Variants in WDR7 observed in about 807,000 individuals in gnomAD.
The protein encoded by WDR7 is WD repeat domain 7.
In WDR7, 46 loss-of-function variants were observed where a neutral mutation model predicts 169.4. The ratio of observed to expected loss-of-function variants is 0.27; its 90% confidence interval spans 0.21 to 0.35. The LOEUF (loss-of-function observed/expected upper bound fraction) is 0.35. WDR7 is among the 10% of genes least tolerant of loss of function. The pLI is 1.00. For synonymous variants in WDR7, 612 were observed against 666.8 expected (o/e 0.92, Z 1.27); for missense variants, 1,534 against 1,859.3 (o/e 0.83, Z 3.22).
At chr18:56,755,766 G>C (rs1287826160) in intron 14 of WDR7, among the ~76,000 whole-genome samples, 1 of 152,160 alleles carries the variant, frequency 6.6e-6, no homozygotes, top group Non-Finnish European at 1.5e-5. Context: ...GCCTGAGAGG[G>C]AGAGATTGAC....
intron 25 of WDR7, among the ~76,000 whole-genome samples, chr18:56,956,739 G>A (rs1568285349): frequency 1.3e-5 from 2 of 152,094 alleles, no homozygotes; most frequent in Non-Finnish European, 2.9e-5. Context: ...CATCCAGTAT[G>A]CATGATGAAT....
At chr18:56,783,920 G>A (rs2044356122) in intron 19 of WDR7, among the ~76,000 whole-genome samples, 1 of 152,190 alleles carries the variant, frequency 6.6e-6, no homozygotes, top group African/African-American at 2.4e-5. Context: ...CTGAAGCAGT[G>A]CCAGAACTGT....
chr18:56,792,765 A>AACACACACACACACGCAC (rs150503124), intron 19 of WDR7, among the ~76,000 whole-genome samples: 2 of 147,680 alleles, frequency 1.4e-5, no homozygotes, highest in African/African-American at 5.0e-5. Context: ...TATTTTCTTT[A>AACACACACACACACGCAC]ACACACACAC....
downstream of WDR7, chr18:57,031,210 T>G (rs890941439): frequency 6.6e-6 from 1 of 152,232 alleles, no homozygotes; most frequent in Non-Finnish European, 1.5e-5. Context: ...TCCTTCACAT[T>G]CAGTTCAATC....
At chr18:56,959,120 G>A (rs1401690810) in intron 25 of WDR7, among the ~76,000 whole-genome samples, 2 of 152,108 alleles carry the variant, frequency 1.3e-5, no homozygotes, top group African/African-American at 4.8e-5. Context: ...GAACAGAGAT[G>A]TAAATGAAGT....
chr18:56,986,126 C>CTT (rs1555721583), intron 26 of WDR7, among the ~76,000 whole-genome samples: 1 of 123,248 alleles, frequency 8.1e-6, no homozygotes, highest in Non-Finnish European at 1.7e-5. Flanking sequence ...ATTTCAGCTT[C>CTT]TTTGTGTGTG....
At chr18:56,718,271 G>T in intron 13 of WDR7, 112 bp downstream of exon 13, 3 of 1,136,324 alleles carry the variant, frequency 2.6e-6, no homozygotes, top group African/African-American at 1.6e-5. Flanking sequence ...TAAAATAGTT[G>T]CTACTTTTAT....
intron 26 of WDR7, among the ~76,000 whole-genome samples, chr18:56,977,533 T>C (rs2047585205): frequency 6.6e-6 from 1 of 152,222 alleles, no homozygotes; most frequent in South Asian, 2.1e-4. Flanking sequence ...GTTCCTGCTT[T>C]AGAGTGAGCT....
chr18:56,847,387 T>C (rs1464933822), intron 20 of WDR7, among the ~76,000 whole-genome samples: 1 of 152,142 alleles, frequency 6.6e-6, no homozygotes, highest in Non-Finnish European at 1.5e-5. Flanking sequence ...TGACTTAAAG[T>C]TGGAACTTAT....
chr18:56,756,770 G>T lies in WDR7; in HGVS notation c.2177G>T (p.Ser726Ile), dbSNP rs769086846. Residue 726 changes from serine (S) to isoleucine (I), a missense_variant, in exon 15 of 28, where the codon AGT becomes ATT. Transcript: ENST00000254442. ...SPENLQKASG[S>I]SDKGGSFLTG... ...GAGAATTTGCAAAAAGCATCTGGCA[G>T]TTCAGACAAAGGGGGCTCTTTTTTA... 3 of 1,614,036 alleles carry T rather than the reference G, an allele frequency of 1.9e-6. No homozygotes were observed. The highest frequency in any genetic ancestry group is 1.7e-5 in the Admixed American group (1 of 59,990).
intron 13 of WDR7, among the ~76,000 whole-genome samples, chr18:56,730,897 C>G (rs914361211): frequency 2.0e-5 from 3 of 152,024 alleles, no homozygotes; most frequent in Non-Finnish European, 4.4e-5. Context: ...AATTTGCAGA[C>G]AAAATGTAGA....
chr18:56,812,343 C>T (rs2044884140), intron 19 of WDR7, among the ~76,000 whole-genome samples: 1 of 152,158 alleles, frequency 6.6e-6, no homozygotes, highest in Non-Finnish European at 1.5e-5. Flanking sequence ...CCTTGCTGAA[C>T]TAACTTATTA....
At chr18:56,919,140 G>C (rs191936580) in intron 21 of WDR7, among the ~76,000 whole-genome samples, 127 of 152,250 alleles carry the variant, frequency 8.3e-4, no homozygotes, top group African/African-American at 2.9e-3. Context: ...TCCCCTTCCA[G>C]GTCACAAAGC....
intron 21 of WDR7, among the ~76,000 whole-genome samples, chr18:56,893,831 T>G (rs1341522375): frequency 2.0e-5 from 3 of 152,146 alleles, no homozygotes; most frequent in Non-Finnish European, 2.9e-5. Context: ...CATGTGTGTT[T>G]TAGAAGTTGG....
chr18:56,665,742 C>T (rs1405263764), intron 1 of WDR7, among the ~76,000 whole-genome samples: 1 of 152,044 alleles, frequency 6.6e-6, no homozygotes, highest in African/African-American at 2.4e-5. Flanking sequence ...CTAAAAAGAG[C>T]TTCGATACTT....
At chr18:56,932,675 T>G (rs2046902489) in intron 22 of WDR7, among the ~76,000 whole-genome samples, 1 of 152,220 alleles carries the variant, frequency 6.6e-6, no homozygotes, top group Non-Finnish European at 1.5e-5. Context: ...TCATTTAGTC[T>G]TCTTGTCAGT....
chr18:56,825,295 G>C (rs1164095303), intron 20 of WDR7, among the ~76,000 whole-genome samples: 1 of 152,170 alleles, frequency 6.6e-6, no homozygotes, highest in Non-Finnish European at 1.5e-5. Context: ...TTTGCAAGGG[G>C]TTTGGGCAAA....
intron 19 of WDR7, among the ~76,000 whole-genome samples, chr18:56,804,294 T>A (rs1396301622): frequency 1.3e-5 from 2 of 152,134 alleles, no homozygotes; most frequent in Non-Finnish European, 2.9e-5. Flanking sequence ...ACTCTAAAAT[T>A]CCAAATATTG....
intron 1 of WDR7, among the ~76,000 whole-genome samples, chr18:56,668,898 GTT>G (rs34232858): frequency 0.034 from 5,000 of 147,618 alleles, 241 homozygotes; most frequent in African/African-American, 0.1. Flanking sequence ...CAAAATCTGT[GTT>G]TTTTTTTTTT....
Sources: gnomAD v4.1 joint callset for allele counts (sites outside exome capture counted in the v4.1 genomes callset) on GRCh38, gnomAD v4.1.1 for gene constraint, MANE v1.5 for transcripts, NCBI Gene and HGNC (gene_info 2026-07-23, HGNC 2026-07-21) for gene names.